The following XG variants were observed in gnomAD, a reference collection of about 807,000 sequenced individuals.
The protein encoded by XG is Xg glycoprotein (Xg blood group), also known as glycoprotein Xg.
XG carries 24 observed loss-of-function variants against 25.7 expected under a neutral mutation model. That is an observed-to-expected ratio of 0.93 (90% CI 0.68 to 1.31). The LOEUF (loss-of-function observed/expected upper bound fraction) is 1.31, where lower values mean the gene tolerates loss of function less well. Ranked by LOEUF, XG falls within the 40% of genes most tolerant of loss-of-function variation. The pLI, the probability that XG is intolerant of heterozygous loss-of-function variation, is 0.00. For synonymous variants in XG, 77 were observed against 69.2 expected, an observed-to-expected ratio of 1.11 and a Z score of -0.56; for missense variants, 181 against 187.6, an observed-to-expected ratio of 0.96 and a Z score of 0.21.
chrX:2,816,153 A>G lies in XG; in HGVS notation c.*1773A>G, dbSNP rs1238496303. 1 of 112,263 alleles carries G rather than the reference A, an allele frequency of 8.9e-6. No homozygotes were observed. The highest frequency in any genetic ancestry group is 2.8e-4 in the East Asian group (1 of 3,605). The allele number at this position is 112,263 out of a possible 1,213,427, so 9.3% of individuals were successfully genotyped here. The stretch of plus-strand genomic sequence containing the variant: ...GCTAACGTTCAAGCTACTTAAGATG[A>G]AAATATTTGAATCATGATTGCTTGG... On this transcript the variant is annotated 3_prime_UTR_variant, in exon 11 of 11. Transcript: ENST00000644266.
chrX:2,776,803 T>TC (rs2051006607), intron 3 of XG, among the ~76,000 whole-genome samples: 1 of 150,906 alleles, frequency 6.6e-6, no homozygotes, highest in South Asian at 2.1e-4. Context: ...AGCCGAGATC[T>TC]CCCACTGCAC....
chrX:2,784,258 G>C (rs1270336157), intron 4 of XG, among the ~76,000 whole-genome samples: 1 of 111,025 alleles, frequency 9.0e-6, no homozygotes, highest in African/African-American at 3.3e-5. Flanking sequence ...ACAGACTGCC[G>C]TGGGCTTCCC....
At chrX:2,771,059 G>T (rs1256495687) in intron 2 of XG, among the ~76,000 whole-genome samples, 3 of 151,702 alleles carry the variant, frequency 2.0e-5, no homozygotes, top group African/African-American at 2.4e-5. Flanking sequence ...TCACTATGTT[G>T]CCCAGGCTGG....
At chrX:2,771,123 G>A (rs1229643650) in intron 2 of XG, among the ~76,000 whole-genome samples, 7 of 151,972 alleles carry the variant, frequency 4.6e-5, no homozygotes, top group Non-Finnish European at 8.8e-5. Context: ...CAAAACACTG[G>A]GATTACAGAC....
chrX:2,790,249 C>T (rs1234314853), intron 5 of XG, among the ~76,000 whole-genome samples: 1 of 111,165 alleles, frequency 9.0e-6, no homozygotes, highest in African/African-American at 3.3e-5. Context: ...GCCTGTAATC[C>T]CAGCACTTTG....
Position 2,811,383 on chromosome X carries a change from G to A in XG, c.502G>A (p.Val168Met). Reference sequence around the variant, plus strand: ...GTCTCCCATCGTATCCGTGGTGGTGGTGACACTGCTGGGAGCAGCAGCCAG... The same window carrying A: ...GTCTCCCATCGTATCCGTGGTGGTGATGACACTGCTGGGAGCAGCAGCCAG... ...IVSPIVSVVVVTLLGAAASYF... is the reference protein window; with the variant it reads ...IVSPIVSVVVMTLLGAAASYF... The change falls in exon 10 of 11, where the codon GTG (valine) becomes ATG (methionine). Residue 168 changes from valine (V) to methionine (M), a missense_variant. Coordinates refer to ENST00000644266, the MANE Select transcript of XG (RefSeq NM_001141919.2). The A allele has an allele frequency of 8.3e-7, 1 of 1,208,678 alleles. No homozygotes were observed. Among genetic ancestry groups the A allele is most frequent in the Non-Finnish European group, 1.1e-6 (1 of 894,089 alleles).
chrX:2,757,971 CAAAAAAAAAA>C (rs59540338), intron 1 of XG, among the ~76,000 whole-genome samples: 4 of 88,672 alleles, frequency 4.5e-5, no homozygotes, highest in Admixed American at 1.4e-4. Context: ...GACTCCATCT[CAAAAAAAAAA>C]AAAAAAAAAA....
At chrX:2,809,101 A>G (rs1358367013) in intron 9 of XG, among the ~76,000 whole-genome samples, 4 of 111,284 alleles carry the variant, frequency 3.6e-5, no homozygotes, top group Admixed American at 1.9e-4. Flanking sequence ...GGAGAGAACA[A>G]TATCCAAGCC....
chrX:2,789,630 T>C lies in XG; in HGVS notation c.191-14T>C, dbSNP rs922528259. 5 of 1,139,246 alleles carry C rather than the reference T, an allele frequency of 4.4e-6. No homozygotes were observed. In the African/African-American group the frequency reaches 9.1e-5, roughly 21 times the overall value. The allele number at this position is 1,139,246 out of a possible 1,213,427, so 93.9% of individuals were successfully genotyped here. A position where few individuals can be genotyped will look rare whatever the true frequency, so the allele number is the denominator to read the frequency against. Reference sequence around the variant, plus strand: ...TCATTATTTTTCTGAAATCATACTGTTGTTTTCCAACAGATATCTACCCAA... The same window carrying C: ...TCATTATTTTTCTGAAATCATACTGCTGTTTTCCAACAGATATCTACCCAA... On this transcript the variant is annotated splice_polypyrimidine_tract_variant and intron_variant, in intron 4 of 10. Coordinates refer to ENST00000644266, the MANE Select transcript of XG (RefSeq NM_001141919.2).
intron 2 of XG, among the ~76,000 whole-genome samples, chrX:2,773,333 AAG>A (rs2050868647): frequency 6.7e-6 from 1 of 149,932 alleles, no homozygotes; most frequent in Non-Finnish European, 1.5e-5. Flanking sequence ...GAAGGAAAGA[AAG>A]AAAAATAGGA....
chrX:2,809,126 T>C (rs761206310), intron 9 of XG, among the ~76,000 whole-genome samples: 15 of 110,885 alleles, frequency 1.4e-4, no homozygotes, highest in African/African-American at 4.3e-4. Context: ...CCCCAAAATA[T>C]GGGTGGGAGG....
At chrX:2,759,955 T>TCTG (rs11271325) in intron 1 of XG, among the ~76,000 whole-genome samples, 1 of 151,978 alleles carries the variant, frequency 6.6e-6, no homozygotes, top group Non-Finnish European at 1.5e-5. Context: ...TGCTTCAGAA[T>TCTG]CAGATTCTGG....
chrX:2,752,464 G>T, intron 1 of XG, 129 bp downstream of exon 1: 1 of 1,279,650 alleles, frequency 7.8e-7, no homozygotes, highest in Admixed American at 2.6e-5. Flanking sequence ...GATTAGAAAG[G>T]AGACTAAGAG....
At chrX:2,809,336 G>C (rs767112439) in intron 9 of XG, among the ~76,000 whole-genome samples, 34 of 111,585 alleles carry the variant, frequency 3.0e-4, no homozygotes, top group Non-Finnish European at 5.3e-4. Flanking sequence ...GAAGGAGCCT[G>C]CCCCTGTTGA....
At chrX:2,757,475 G>C (rs149997403) in intron 1 of XG, among the ~76,000 whole-genome samples, 2,299 of 151,718 alleles carry the variant, frequency 0.015, 87 homozygotes, top group Admixed American at 0.085. Flanking sequence ...AAATGTGTGT[G>C]CATTTGTATA....
At chrX:2,804,749 C>T (rs376482300) in intron 7 of XG, among the ~76,000 whole-genome samples, 1 of 111,508 alleles carries the variant, frequency 9.0e-6, no homozygotes, top group East Asian at 2.8e-4. Flanking sequence ...GGGAGGTCTG[C>T]GCTGTGCCAT....
chrX:2,792,545 T>TTGTGTG (rs146747084), intron 5 of XG, among the ~76,000 whole-genome samples: 1,216 of 99,716 alleles, frequency 0.012, 13 homozygotes, highest in Middle Eastern at 0.039. Flanking sequence ...TTCTTTTTCT[T>TTGTGTG]TGTGTGTGTG....
chrX:2,770,854 T>C (rs1055246464), intron 2 of XG, among the ~76,000 whole-genome samples: 1 of 152,076 alleles, frequency 6.6e-6, no homozygotes, highest in Non-Finnish European at 1.5e-5. Flanking sequence ...TATTTTACTT[T>C]ATTTTGTTGA....
intron 5 of XG, among the ~76,000 whole-genome samples, chrX:2,791,570 T>C (rs1313489500): frequency 9.1e-6 from 1 of 109,398 alleles, no homozygotes; most frequent in Non-Finnish European, 1.9e-5. Context: ...CCCCAGGAGG[T>C]GGTTCCTCCC....
Sources: allele counts gnomAD v4.1 joint callset (sites outside exome capture counted in the v4.1 genomes callset), GRCh38; gene constraint gnomAD v4.1.1; transcripts MANE v1.5; gene names NCBI Gene and HGNC (gene_info 2026-07-23, HGNC 2026-07-21).